Variants in FOXK1 observed in about 807,000 individuals in gnomAD.
FOXK1 encodes forkhead box K1, also known as forkhead box protein K1.
A neutral mutation model predicts 51.9 loss-of-function variants in FOXK1; 19 were observed. The ratio of observed to expected loss-of-function variants is 0.37; its 90% CI spans 0.26 to 0.54. FOXK1 has a LOEUF of 0.54. Ranked by LOEUF, FOXK1 falls within the 20% of genes least tolerant of loss-of-function variation. The pLI is 0.87. For synonymous variants in FOXK1, 537 were observed against 482.6 expected (o/e 1.11, Z -1.48); for missense variants, 870 against 1,032.7 (o/e 0.84, Z 2.16).
chr7:4,693,591 C>A (rs770681918), intron 1 of FOXK1, among the ~76,000 whole-genome samples: 1 of 152,280 alleles, frequency 6.6e-6, no homozygotes, highest in East Asian at 1.9e-4. Flanking sequence ...TCGCCCAAGC[C>A]GCTCTCTGAT....
chr7:4,690,217 T>C (rs1779874390), intron 1 of FOXK1, among the ~76,000 whole-genome samples: 2 of 151,730 alleles, frequency 1.3e-5, no homozygotes, highest in Admixed American at 6.6e-5. Context: ...TCCCGTTGGG[T>C]GATGGTTTTG....
At chr7:4,704,627 A>G (rs1433102525) in intron 1 of FOXK1, among the ~76,000 whole-genome samples, 1 of 152,110 alleles carries the variant, frequency 6.6e-6, no homozygotes, top group Non-Finnish European at 1.5e-5. Context: ...AGCACGCAGC[A>G]GGAGGGATTG....
At chr7:4,727,397 C>T (rs914397910) in intron 1 of FOXK1, among the ~76,000 whole-genome samples, 3 of 152,122 alleles carry the variant, frequency 2.0e-5, no homozygotes, top group Non-Finnish European at 4.4e-5. Flanking sequence ...CTCATTGCAA[C>T]CTTCGCCTCC....
intron 1 of FOXK1, among the ~76,000 whole-genome samples, chr7:4,687,180 C>A (rs62453195): frequency 2.0e-3 from 298 of 152,308 alleles, no homozygotes; most frequent in Non-Finnish European, 3.7e-3. Context: ...GATCCACCCT[C>A]CTCGGCCTTC....
intron 1 of FOXK1, among the ~76,000 whole-genome samples, chr7:4,726,009 A>G (rs79618085): frequency 0.033 from 4,333 of 133,286 alleles, 203 homozygotes; most frequent in African/African-American, 0.11. Flanking sequence ...CTTTCAACAA[A>G]CAGAACTTTT....
rs543148812 is a variant in FOXK1, at chr7:4,696,095, G to A, written c.560+13227G>A. ...TGCACCACTGCACTCCAGCCTGGGC[G>A]ACAGAGCAAGACTGTGTCTCAAAAA... On this transcript the variant is annotated intron_variant, in intron 1 of 8. Coordinates refer to ENST00000328914, the MANE Select transcript of FOXK1 (RefSeq NM_001037165.2). Among the ~76,000 whole-genome samples the A allele has an allele frequency of 1.4e-4, 20 of 145,392 alleles. No individual in the cohort carries two copies. The South Asian group carries it at 2.4e-3, about 17-fold the overall frequency.
At chr7:4,695,932 G>A (rs1169980495) in intron 1 of FOXK1, among the ~76,000 whole-genome samples, 7 of 128,816 alleles carry the variant, frequency 5.4e-5, no homozygotes, top group Non-Finnish European at 9.5e-5. Context: ...GCGAAACTCC[G>A]TCTCAAAAAA....
chr7:4,696,886 G>C (rs963168926), intron 1 of FOXK1, among the ~76,000 whole-genome samples: 1 of 152,126 alleles, frequency 6.6e-6, no homozygotes, highest in African/African-American at 2.4e-5. Flanking sequence ...TGGCCAACAT[G>C]GTGAAACCCC....
At chr7:4,732,219 A>G (rs887300579) in intron 1 of FOXK1, among the ~76,000 whole-genome samples, 1 of 152,228 alleles carries the variant, frequency 6.6e-6, no homozygotes, top group African/African-American at 2.4e-5. Context: ...TCATTTGTTC[A>G]GTCCACAAGA....
At chr7:4,702,159 T>C (rs1338328672) in intron 1 of FOXK1, among the ~76,000 whole-genome samples, 1 of 152,150 alleles carries the variant, frequency 6.6e-6, no homozygotes, top group Non-Finnish European at 1.5e-5. Flanking sequence ...TTTGTCATGT[T>C]TTTAAGCCCT....
In FOXK1 at chr7:4,756,906, CT is replaced by C. The variant is rs1780860433; in HGVS notation, c.1051-87del. On this transcript the variant is annotated intron_variant, in intron 4 of 8. Transcript: ENST00000328914. The surrounding 1 kb of genome is among the most constrained non-coding windows in gnomAD (Gnocchi z 4.1). ...CACAGAGGGACGGCCTCCCCTCACC[CT>C]GGTCCCGCATCTGCTGCAGATTTGA... 2 of 1,446,946 alleles carry C rather than the reference CT, an allele frequency of 1.4e-6. No homozygotes were observed. Among genetic ancestry groups the C allele is most frequent in the African/African-American group, 2.8e-5 (2 of 71,776 alleles). The allele number at this position is 1,446,946 out of a possible 1,614,324, so 89.6% of individuals were successfully genotyped here. A position where few individuals can be genotyped will look rare whatever the true frequency, so the allele number is the denominator to read the frequency against.
In FOXK1 at chr7:4,687,302, TG is replaced by T. The variant is rs1174686268; in HGVS notation, c.560+4435del. ...GTTTGTTTGTTTTCGTTTTCGTTTT[TG>T]TTTTTTTGCAACGGAGTCTCACTCT... On this transcript the variant is annotated intron_variant, in intron 1 of 8. Coordinates refer to ENST00000328914, the MANE Select transcript of FOXK1 (RefSeq NM_001037165.2). Among the ~76,000 whole-genome samples, 310 of 152,012 alleles carry T rather than the reference TG, an allele frequency of 2.0e-3. 1 individual carries two copies. Among genetic ancestry groups the T allele is most frequent in the African/African-American group, 7.2e-3 (297 of 41,430 alleles).
In FOXK1 at chr7:4,731,838, C is replaced by G. The variant is rs1562382002; in HGVS notation, c.561-9000C>G. ...TCCTGGGCTGTTTTCCTTTGTCCTTCCAGTCCTTGTCTAATAACAAGAATA... is the reference window on the plus strand; with the variant it reads ...TCCTGGGCTGTTTTCCTTTGTCCTTGCAGTCCTTGTCTAATAACAAGAATA... On this transcript the variant is annotated intron_variant, in intron 1 of 8. Transcript: ENST00000328914. This position sits in a 1 kb window ranked among gnomAD's most constrained non-coding sequence, Gnocchi z 5.3. Among the ~76,000 whole-genome samples, 1 of 152,090 alleles carries G rather than the reference C, an allele frequency of 6.6e-6. No homozygotes were observed. The highest frequency in any genetic ancestry group is 1.5e-5 in the Non-Finnish European group (1 of 68,020).
intron 1 of FOXK1, among the ~76,000 whole-genome samples, chr7:4,686,294 C>T (rs1320416889): frequency 6.6e-6 from 1 of 152,152 alleles, no homozygotes; most frequent in Non-Finnish European, 1.5e-5. Flanking sequence ...TGTCCGGGGC[C>T]ACCCTCTTCA....
intron 2 of FOXK1, among the ~76,000 whole-genome samples, chr7:4,744,307 C>T (rs75921264): frequency 0.018 from 2,773 of 152,212 alleles, 77 homozygotes; most frequent in African/African-American, 0.063. Context: ...ATATTTGTGA[C>T]ATGGGTATAT....
At position 4,688,979 on chromosome 7, in the gene FOXK1, C is replaced by CTTTTT. The variant is rs565201321; in HGVS notation, c.560+6121_560+6125dup. The stretch of plus-strand genomic sequence containing the variant: ...ATCCCTTAATTTGTTCTCACCTGCA[C>CTTTTT]TTTTTTTTTTTTTTGAGATGGAGTT... On this transcript the variant is annotated intron_variant, in intron 1 of 8. Transcript: ENST00000328914. 2.1e-5 allele frequency among the ~76,000 whole-genome samples: 3 copies of CTTTTT among 141,842 alleles called. 1 individual carries two copies. The highest frequency in any genetic ancestry group is 3.1e-5 in the Non-Finnish European group (2 of 64,552). 93.1% of individuals were successfully genotyped at this position (141,842 alleles called of 152,430 possible).
intron 1 of FOXK1, among the ~76,000 whole-genome samples, chr7:4,691,100 G>A (rs1244880949): frequency 6.6e-6 from 1 of 152,142 alleles, no homozygotes; most frequent in Non-Finnish European, 1.5e-5. Context: ...AAAACAGAAT[G>A]TGCGTAACCA....
At chr7:4,760,361 T>G (rs1780915299) in intron 7 of FOXK1, among the ~76,000 whole-genome samples, 1 of 152,182 alleles carries the variant, frequency 6.6e-6, no homozygotes, top group African/African-American at 2.4e-5. Flanking sequence ...ACGCCTGCAG[T>G]TAGGCAGCGC....
intron 1 of FOXK1, among the ~76,000 whole-genome samples, chr7:4,699,622 G>A (rs1279277514): frequency 2.0e-5 from 3 of 151,980 alleles, no homozygotes; most frequent in Non-Finnish European, 4.4e-5. Flanking sequence ...CCCACCTCAG[G>A]CTTCCACAGT....
Sources: allele counts gnomAD v4.1 joint callset (sites outside exome capture counted in the v4.1 genomes callset), GRCh38; gene constraint gnomAD v4.1.1; non-coding constraint Gnocchi (gnomAD v3.1); transcripts MANE v1.5; gene names NCBI Gene and HGNC (gene_info 2026-07-23, HGNC 2026-07-21).